The following NKAIN3 variants were observed in gnomAD, a reference collection of about 807,000 sequenced individuals.
The protein encoded by NKAIN3 is sodium/potassium transporting ATPase interacting 3.
NKAIN3 carries 25 observed loss-of-function variants against 30.2 expected under a neutral mutation model. The ratio of observed to expected loss-of-function variants is 0.83; its 90% confidence interval spans 0.60 to 1.16. The LOEUF is 1.16. NKAIN3 is among the 50% of genes most tolerant of loss of function. The pLI, the probability that NKAIN3 is intolerant of heterozygous loss-of-function variation, is 0.00. For synonymous variants in NKAIN3, 91 were observed against 89.6 expected (o/e 1.02, Z -0.09); for missense variants, 225 against 254.1 (o/e 0.89, Z 0.78).
chr8:62,796,197 A>G (rs1817855047), intron 4 of NKAIN3, among the ~76,000 whole-genome samples: 1 of 151,830 alleles, frequency 6.6e-6, no homozygotes, highest in Non-Finnish European at 1.5e-5. Context: ...CAAACTGGCC[A>G]ACAGAATGAA....
At chr8:62,818,881 A>G (rs914924331) in intron 4 of NKAIN3, among the ~76,000 whole-genome samples, 1 of 152,006 alleles carries the variant, frequency 6.6e-6, no homozygotes, top group African/African-American at 2.4e-5. Context: ...CTGATTTCTT[A>G]CAAATGAATG....
At chr8:62,807,132 G>A (rs755532872) in intron 4 of NKAIN3, among the ~76,000 whole-genome samples, 10 of 152,192 alleles carry the variant, frequency 6.6e-5, no homozygotes, top group Non-Finnish European at 1.5e-4. Flanking sequence ...ATGCATTTGT[G>A]AAGATTTAGA....
At chr8:62,568,933 C>G (rs1451176655) in intron 1 of NKAIN3, among the ~76,000 whole-genome samples, 1 of 152,184 alleles carries the variant, frequency 6.6e-6, no homozygotes, top group East Asian at 1.9e-4. Flanking sequence ...AAGGAAAGTA[C>G]TCTTCCACTG....
chr8:62,263,053 T>C (rs1359461572), intron 1 of NKAIN3, among the ~76,000 whole-genome samples: 1 of 152,216 alleles, frequency 6.6e-6, no homozygotes. Flanking sequence ...TCTGCATGAA[T>C]TCTAATTCCA....
chr8:62,500,191 T>G (rs1460036743), intron 1 of NKAIN3, among the ~76,000 whole-genome samples: 1 of 152,038 alleles, frequency 6.6e-6, no homozygotes, highest in Non-Finnish European at 1.5e-5. Flanking sequence ...ATATGCTGTT[T>G]CAGTGCCAGA....
intron 1 of NKAIN3, among the ~76,000 whole-genome samples, chr8:62,535,394 C>G (rs1205994541): frequency 6.6e-6 from 1 of 152,068 alleles, no homozygotes; most frequent in Non-Finnish European, 1.5e-5. Flanking sequence ...ACTTTATCTA[C>G]CTGGAGACAG....
chr8:62,784,404 T>TGAAA (rs540993378), intron 4 of NKAIN3, among the ~76,000 whole-genome samples: 230 of 151,130 alleles, frequency 1.5e-3, no homozygotes, highest in Admixed American at 4.2e-3. Context: ...AAGAGAAAAA[T>TGAAA]GAAAGAAGGC....
chr8:62,824,738 C>G (rs1026439464), intron 4 of NKAIN3, among the ~76,000 whole-genome samples: 5 of 152,138 alleles, frequency 3.3e-5, no homozygotes, highest in African/African-American at 9.7e-5. Context: ...TTCTATATGG[C>G]TCTGACCAGT....
intron 4 of NKAIN3, among the ~76,000 whole-genome samples, chr8:62,804,097 G>A (rs1039676897): frequency 2.0e-5 from 3 of 152,250 alleles, no homozygotes; most frequent in Non-Finnish European, 2.9e-5. Context: ...CCAATAACAG[G>A]CTCTGAAATT....
At chr8:62,504,121 C>T (rs923521176) in intron 1 of NKAIN3, among the ~76,000 whole-genome samples, 3 of 152,180 alleles carry the variant, frequency 2.0e-5, no homozygotes, top group African/African-American at 7.2e-5. Flanking sequence ...GGAGTGTGAA[C>T]TGTATTGTGA....
chr8:62,502,184 C>G (rs1436591324), intron 1 of NKAIN3, among the ~76,000 whole-genome samples: 1 of 152,142 alleles, frequency 6.6e-6, no homozygotes, highest in Non-Finnish European at 1.5e-5. Context: ...TTCTTGTACT[C>G]AATCAAGCCC....
At chr8:62,289,773 A>G (rs934471673) in intron 1 of NKAIN3, among the ~76,000 whole-genome samples, 27 of 152,146 alleles carry the variant, frequency 1.8e-4, no homozygotes, top group African/African-American at 5.8e-4. Context: ...TTCCAGTTCC[A>G]TGAAGAAAGT....
At chr8:62,830,348 C>T (rs1046228168) in intron 4 of NKAIN3, among the ~76,000 whole-genome samples, 1 of 152,062 alleles carries the variant, frequency 6.6e-6, no homozygotes, top group African/African-American at 2.4e-5. Flanking sequence ...TCCCTTTATA[C>T]TCAATATGCA....
chr8:62,960,146 T>C (rs1370198961), intron 6 of NKAIN3, among the ~76,000 whole-genome samples: 1 of 152,232 alleles, frequency 6.6e-6, no homozygotes, highest in African/African-American at 2.4e-5. Context: ...CTTATCACCG[T>C]AGTATCCAGT....
chr8:62,835,909 A>G (rs966671485), intron 4 of NKAIN3, among the ~76,000 whole-genome samples: 2 of 152,154 alleles, frequency 1.3e-5, no homozygotes, highest in Non-Finnish European at 2.9e-5. Context: ...AGTGCTATTC[A>G]CAATGGCAAA....
intron 5 of NKAIN3, among the ~76,000 whole-genome samples, chr8:62,994,906 T>C (rs1443864965): frequency 1.3e-5 from 2 of 152,200 alleles, no homozygotes; most frequent in East Asian, 1.9e-4. Flanking sequence ...AGGTGAACCA[T>C]AAAATTAAGC....
intron 5 of NKAIN3, among the ~76,000 whole-genome samples, chr8:62,928,919 G>A (rs76322244): frequency 0.017 from 2,524 of 152,306 alleles, 85 homozygotes; most frequent in African/African-American, 0.058. Context: ...ACCCCGAGTA[G>A]AAACAGGCAG....
At chr8:62,365,349 T>C (rs1227497539) in intron 1 of NKAIN3, among the ~76,000 whole-genome samples, 2 of 112,968 alleles carry the variant, frequency 1.8e-5, no homozygotes, top group Non-Finnish European at 3.6e-5. Context: ...AGTTATAGAC[T>C]CATAAACAAT....
chr8:62,517,775 C>A (rs561899553), intron 1 of NKAIN3, among the ~76,000 whole-genome samples: 3 of 152,110 alleles, frequency 2.0e-5, no homozygotes, highest in African/African-American at 7.2e-5. Context: ...TCAGGACCAT[C>A]GATTTTAAGT....
Sources: gnomAD v4.1 joint callset for allele counts (sites outside exome capture counted in the v4.1 genomes callset) on GRCh38, gnomAD v4.1.1 for gene constraint, MANE v1.5 for transcripts, NCBI Gene and HGNC (gene_info 2026-07-23, HGNC 2026-07-21) for gene names.